Variants in TASP1 observed in about 807,000 individuals in gnomAD.
TASP1 encodes taspase 1.
Under a neutral mutation model 56.6 loss-of-function variants are expected in TASP1, and 16 were observed. That is an observed-to-expected ratio of 0.28 (90% confidence interval 0.19 to 0.43). TASP1 has a LOEUF of 0.43. TASP1 is among the 20% of genes least tolerant of loss of function. The pLI is 1.00. For missense variants in TASP1, 393 were observed against 511.6 expected (o/e 0.77, Z 2.24); for synonymous variants, 179 against 184.2 (o/e 0.97, Z 0.23).
At chr20:13,419,179 C>T (rs1206248436) in intron 12 of TASP1, among the ~76,000 whole-genome samples, 1 of 152,096 alleles carries the variant, frequency 6.6e-6, no homozygotes, top group African/African-American at 2.4e-5. Flanking sequence ...GAAATACTCA[C>T]CAAAGTATTA....
chr20:13,589,715 G>T (rs1476500312), intron 4 of TASP1, among the ~76,000 whole-genome samples: 1 of 151,902 alleles, frequency 6.6e-6, no homozygotes, highest in East Asian at 1.9e-4. Flanking sequence ...TCTAATAAGG[G>T]ATTTATATCC....
the TASP1 span, among the ~76,000 whole-genome samples, chr20:13,175,299 C>T: frequency 2.0e-5 from 3 of 152,138 alleles, no homozygotes; most frequent in African/African-American, 7.2e-5. Context: ...AAATGTAGGA[C>T]TGAGCCCACA....
chr20:13,209,597 AAAG>A, the TASP1 span, among the ~76,000 whole-genome samples: 4 of 152,220 alleles, frequency 2.6e-5, no homozygotes, highest in African/African-American at 4.8e-5. Context: ...TCTGAAGCCC[AAAG>A]AAGAAGGCAA....
chr20:13,106,126 T>C, the TASP1 span, among the ~76,000 whole-genome samples: 3 of 152,226 alleles, frequency 2.0e-5, no homozygotes, highest in African/African-American at 7.2e-5. Context: ...AAACAAAAGA[T>C]ACCATCAATT....
At chr20:13,428,135 G>T (rs572407528) in intron 12 of TASP1, among the ~76,000 whole-genome samples, 1 of 152,212 alleles carries the variant, frequency 6.6e-6, no homozygotes, top group African/African-American at 2.4e-5. Flanking sequence ...TTTCTATATG[G>T]AATCTGTTTT....
the TASP1 span, among the ~76,000 whole-genome samples, chr20:13,260,143 A>G: frequency 3.3e-5 from 5 of 152,240 alleles, no homozygotes; most frequent in Non-Finnish European, 5.9e-5. Context: ...AACAATCTGT[A>G]CAGGCAGGTG....
chr20:13,493,288 G>A (rs1276198846), intron 10 of TASP1, among the ~76,000 whole-genome samples: 9 of 152,204 alleles, frequency 5.9e-5, no homozygotes, highest in Admixed American at 2.0e-4. Flanking sequence ...TTCTGGGTGT[G>A]TCTGTGAGGG....
At chr20:13,109,025 A>C in the TASP1 span, among the ~76,000 whole-genome samples, 2 of 152,232 alleles carry the variant, frequency 1.3e-5, no homozygotes, top group Non-Finnish European at 2.9e-5. Context: ...AGTCTAAAAA[A>C]TATGCCCATA....
At chr20:13,518,894 T>C (rs2146781374) in intron 10 of TASP1, among the ~76,000 whole-genome samples, 1 of 152,238 alleles carries the variant, frequency 6.6e-6, no homozygotes, top group East Asian at 1.9e-4. Flanking sequence ...CATCATAGTA[T>C]TATTCACTAT....
chr20:13,231,549 T>C, the TASP1 span, among the ~76,000 whole-genome samples: 6 of 152,210 alleles, frequency 3.9e-5, no homozygotes, highest in African/African-American at 1.2e-4. Flanking sequence ...AGGCATCAAC[T>C]CCCTGAGCAC....
the TASP1 span, among the ~76,000 whole-genome samples, chr20:13,321,460 G>C: frequency 6.6e-6 from 1 of 152,090 alleles, no homozygotes; most frequent in Non-Finnish European, 1.5e-5. Flanking sequence ...TCCAAGGGGA[G>C]AAACGCTCTA....
At chr20:13,126,689 T>C in the TASP1 span, 1 of 1,613,900 alleles carries the variant, frequency 6.2e-7, no homozygotes, top group African/African-American at 1.3e-5. Flanking sequence ...CACTAAAACT[T>C]ATCATGGGAC....
chr20:13,257,692 T>C, the TASP1 span, among the ~76,000 whole-genome samples: 4 of 151,562 alleles, frequency 2.6e-5, no homozygotes, highest in East Asian at 3.9e-4. Flanking sequence ...TGGACTGTTA[T>C]CTAGATGTGT....
At chr20:13,522,990 A>G (rs1426286012) in intron 10 of TASP1, among the ~76,000 whole-genome samples, 1 of 152,190 alleles carries the variant, frequency 6.6e-6, no homozygotes, top group East Asian at 1.9e-4. Flanking sequence ...TTATAGGACT[A>G]AAGGATAATC....
At chr20:13,334,807 G>A in the TASP1 span, among the ~76,000 whole-genome samples, 1 of 152,260 alleles carries the variant, frequency 6.6e-6, no homozygotes, top group African/African-American at 2.4e-5. Context: ...TCATTAAAAT[G>A]ACAGTCAAAT....
chr20:13,144,544 A>C, the TASP1 span, among the ~76,000 whole-genome samples: 2 of 152,244 alleles, frequency 1.3e-5, no homozygotes, highest in Non-Finnish European at 2.9e-5. Flanking sequence ...CTATTGACTG[A>C]GGACAAAAAT....
At chr20:13,341,824 C>A in the TASP1 span, among the ~76,000 whole-genome samples, 1 of 152,200 alleles carries the variant, frequency 6.6e-6, no homozygotes, top group African/African-American at 2.4e-5. Context: ...CAGCTGTTGG[C>A]TGGCTGTTCT....
At chr20:13,252,051 G>A in the TASP1 span, among the ~76,000 whole-genome samples, 1 of 152,150 alleles carries the variant, frequency 6.6e-6, no homozygotes, top group Non-Finnish European at 1.5e-5. Context: ...TTCCAGTTGG[G>A]GGCTGTGAGA....
chr20:13,636,402 C>T (rs1478213434), intron 1 of TASP1, among the ~76,000 whole-genome samples: 1 of 151,004 alleles, frequency 6.6e-6, no homozygotes, highest in South Asian at 2.1e-4. Context: ...TCAAATGATC[C>T]GCCTGCCTGG....
Sources: gnomAD v4.1 joint callset for allele counts (sites outside exome capture counted in the v4.1 genomes callset) on GRCh38, gnomAD v4.1.1 for gene constraint, MANE v1.5 for transcripts, NCBI Gene and HGNC (gene_info 2026-07-23, HGNC 2026-07-21) for gene names.